The following CEP152 variants were observed in gnomAD, a reference collection of about 807,000 sequenced individuals.
The protein encoded by CEP152 is centrosomal protein of 152 kDa.
CEP152 carries 132 observed loss-of-function variants against 188.9 expected under a neutral mutation model. That is an observed-to-expected ratio of 0.70 (90% confidence interval 0.61 to 0.81). CEP152 has a LOEUF of 0.81. Among genes scored for constraint, CEP152 ranks in the 30% least tolerant of loss-of-function variants. The pLI, the probability that CEP152 is intolerant of heterozygous loss-of-function variation, is 0.00. For missense variants in CEP152, 1,914 were observed against 1,969.8 expected (o/e 0.97, Z 0.54); for synonymous variants, 649 against 666.6 (o/e 0.97, Z 0.41).
At chr15:48,773,925 A>G (rs1165441853) in intron 12 of CEP152, among the ~76,000 whole-genome samples, 1 of 152,228 alleles carries the variant, frequency 6.6e-6, no homozygotes, top group Admixed American at 6.5e-5. Flanking sequence ...GGAAAAAAAT[A>G]TGAACCATAC....
At chr15:48,758,958 A>G (rs760638864) in intron 19 of CEP152, among the ~76,000 whole-genome samples, 9 of 152,140 alleles carry the variant, frequency 5.9e-5, no homozygotes, top group East Asian at 1.9e-4. Flanking sequence ...TATTTTCTAC[A>G]TTGTACTCAA....
Position 48,739,288 on chromosome 15 carries a change from G to A in CEP152, c.4094C>T (p.Ala1365Val), listed in dbSNP as rs377733540. ...SKSQSKTTQS[A>V]LPLTSEMLIA... ...CAGCATCTCTGAAGTTAGGGGCAGTGCTATTATGTGCAAGGAAACACGAAA... is the reference window on the plus strand; with the variant it reads ...CAGCATCTCTGAAGTTAGGGGCAGTACTATTATGTGCAAGGAAACACGAAA... The change falls in exon 27 of 27, where the codon GCA (alanine) becomes GTA (valine). Residue 1365 changes from alanine (A) to valine (V), a missense_variant and splice_region_variant. Coordinates refer to ENST00000380950, the MANE Select transcript of CEP152 (RefSeq NM_001194998.2). 43 of 1,609,592 alleles carry A rather than the reference G, an allele frequency of 2.7e-5. No homozygotes were observed. The highest frequency in any genetic ancestry group is 3.1e-5 in the Non-Finnish European group (36 of 1,179,010).
chr15:48,808,193 C>CAAA (rs1898110895), intron 1 of CEP152, among the ~76,000 whole-genome samples: 1 of 151,150 alleles, frequency 6.6e-6, no homozygotes, highest in African/African-American at 2.4e-5. Context: ...ACTTATTAAT[C>CAAA]ACCACTCATT....
At chr15:48,789,389 A>C in intron 8 of CEP152, 1 of 263,840 alleles carries the variant, frequency 3.8e-6, no homozygotes, top group Non-Finnish European at 7.4e-6. Context: ...AAAAATGACA[A>C]CTGTTCCTTG....
intron 20 of CEP152, among the ~76,000 whole-genome samples, chr15:48,753,581 T>A (rs1894045713): frequency 6.6e-6 from 1 of 152,108 alleles, no homozygotes; most frequent in African/African-American, 2.4e-5. Context: ...GGGTTTGAGG[T>A]CAAAAGGAGT....
At chr15:48,759,317 G>C (rs964074698) in intron 19 of CEP152, among the ~76,000 whole-genome samples, 11 of 152,000 alleles carry the variant, frequency 7.2e-5, no homozygotes, top group African/African-American at 2.4e-5. Flanking sequence ...AGAATTTATT[G>C]TGATACACGT....
Position 48,729,897 on chromosome 15 carries a change from A to T in CEP152, c.142+11734T>A, listed in dbSNP as rs904733037. ...AAAAGTTGGGGAAAATAAAGAAAAAATTAATAAATACACAGAAAAGAGATT... is the reference window on the plus strand; with the variant it reads ...AAAAGTTGGGGAAAATAAAGAAAAATTTAATAAATACACAGAAAAGAGATT... On this transcript the variant is annotated intron_variant and NMD_transcript_variant, in intron 2 of 3. Coordinates refer to the CEP152 transcript ENST00000561245. 3.3e-5 allele frequency: 5 copies of T among 152,224 alleles called. No individual in the cohort carries two copies. The East Asian group carries it at 9.6e-4, about 29-fold the overall frequency. The allele number at this position is 152,224 out of a possible 1,614,324, so 9.4% of individuals were successfully genotyped here.
chr15:48,752,412 G>C lies in CEP152; in HGVS notation c.3403C>G (p.Pro1135Ala). 1 of 1,613,854 alleles carries C rather than the reference G, an allele frequency of 6.2e-7. No individual in the cohort carries two copies. The highest frequency in any genetic ancestry group is 8.5e-7 in the Non-Finnish European group (1 of 1,180,008). The change falls in exon 21 of 27, where the codon CCT becomes GCT. Residue 1135 changes from proline (P) to alanine (A), a missense_variant. Transcript: ENST00000380950. Reference sequence around the variant, plus strand: ...GCATGGTGTCCAGCAGCAGGTCCAGGGTCTCCTTGGCCAGTGCCCTGGCTG... The same window carrying C: ...GCATGGTGTCCAGCAGCAGGTCCAGCGTCTCCTTGGCCAGTGCCCTGGCTG... ...SASQGTGQGD[P>A]GPAAGHHAQP... is the part of the protein sequence containing the mutation.
At chr15:48,733,729 T>C (rs1892501865), downstream of CEP152, among the ~76,000 whole-genome samples, 1 of 152,002 alleles carries the variant, frequency 6.6e-6, no homozygotes, top group Admixed American at 6.5e-5. Flanking sequence ...GCTCAGACTG[T>C]TGAAAGCCAA....
chr15:48,754,555 A>T (rs1894118666), intron 20 of CEP152, among the ~76,000 whole-genome samples: 1 of 152,144 alleles, frequency 6.6e-6, no homozygotes, highest in Non-Finnish European at 1.5e-5. Context: ...GTGAAGCAGT[A>T]TTCATGGGAA....
chr15:48,741,693 T>C lies in CEP152; in HGVS notation c.4001A>G (p.Lys1334Arg), dbSNP rs761014803. 9.9e-6 allele frequency: 16 copies of C among 1,613,992 alleles called. No homozygotes were observed. The highest frequency in any genetic ancestry group is 1.6e-4 in the Middle Eastern group (1 of 6,082). ...AAGTTTGCTAGCAGCATTCATAATC[T>C]TTTTCTCAGCCCTGTGGGGAATTCC... ...QDDGKEGAEK[K>R]IMNAASKLAT... The change falls in exon 26 of 27, where the codon AAG becomes AGG. Residue 1334 changes from lysine (K) to arginine (R), a missense_variant. Coordinates refer to ENST00000380950, the MANE Select transcript of CEP152 (RefSeq NM_001194998.2).
At position 48,766,734 on chromosome 15, in the gene CEP152, G is replaced by C. The variant is rs78844835; in HGVS notation, c.2280+326C>G. The stretch of plus-strand genomic sequence containing the variant: ...AGGACTACATAGGGTTTCCTGAACA[G>C]TCAACACCGAAAATGAGGATCTGTG... On this transcript the variant is annotated intron_variant, in intron 17 of 26. Coordinates refer to ENST00000380950, the MANE Select transcript of CEP152 (RefSeq NM_001194998.2). Among the ~76,000 whole-genome samples, 8 of 151,204 alleles carry C rather than the reference G, an allele frequency of 5.3e-5. No homozygotes were observed. The East Asian group carries it at 1.6e-3, about 29-fold the overall frequency.
chr15:48,771,333 A>G (rs574139193), intron 13 of CEP152, among the ~76,000 whole-genome samples: 76 of 152,342 alleles, frequency 5.0e-4, no homozygotes, highest in South Asian at 2.5e-3. Flanking sequence ...GGTGGATTTC[A>G]ATGACTGACA....
chr15:48,770,489 CA>C (rs142664836), intron 13 of CEP152, among the ~76,000 whole-genome samples: 5,686 of 152,232 alleles, frequency 0.037, 362 homozygotes, highest in East Asian at 0.16. Context: ...ATCTGTATAG[CA>C]AATGCCATTA....
At chr15:48,808,178 CCTTAA>C (rs1259745415) in intron 1 of CEP152, among the ~76,000 whole-genome samples, 3 of 150,998 alleles carry the variant, frequency 2.0e-5, no homozygotes, top group South Asian at 2.1e-4. Context: ...AAAGCTAATA[CCTTAA>C]CTTATTAATC....
At position 48,738,290 on chromosome 15, in the gene CEP152, G is replaced by A; in HGVS notation, c.5092C>T (p.Gln1698Ter). 1.2e-6 allele frequency: 2 copies of A among 1,613,858 alleles called. No homozygotes were observed. Among genetic ancestry groups the A allele is most frequent in the Non-Finnish European group, 1.7e-6 (2 of 1,179,862 alleles). ...AATGGGCTATCAAAGCCACTATCTT[G>A]TTGGCTAGATAGCGGAACAATTAAT... ...RKLIVPLSSQ[Q>*]DSGFDSPFVN... The change falls in exon 27 of 27, where the codon CAA becomes TAA. Residue 1698 changes from glutamine to a stop codon, truncating the protein, a stop_gained. Transcript: ENST00000380950. LOFTEE classifies it high-confidence loss of function.
intron 20 of CEP152, among the ~76,000 whole-genome samples, chr15:48,753,580 G>T (rs1452783878): frequency 6.6e-6 from 1 of 152,166 alleles, no homozygotes; most frequent in Non-Finnish European, 1.5e-5. Flanking sequence ...TGGGTTTGAG[G>T]TCAAAAGGAG....
chr15:48,749,259 G>A (rs1893701511), intron 21 of CEP152, among the ~76,000 whole-genome samples: 1 of 151,688 alleles, frequency 6.6e-6, no homozygotes, highest in African/African-American at 2.4e-5. Flanking sequence ...TGAGAGGAAA[G>A]GATTCTTGAT....
In CEP152 at chr15:48,738,746, T is replaced by C; in HGVS notation, c.4636A>G (p.Asn1546Asp). ...CCTTGACTTTTCTCAGATGCAGCAT[T>C]TTCACTTTCCATTAGTGGATTGCAT... is the stretch of plus-strand genomic sequence containing the variant. ...YKCNPLMESE[N>D]AASEKSQGLD... The change falls in exon 27 of 27, where the codon AAT becomes GAT. Residue 1546 changes from asparagine (N) to aspartate (D), a missense_variant. Physicochemically the swap from Asn to Asp is conservative, Grantham distance 23. Coordinates refer to ENST00000380950, the MANE Select transcript of CEP152 (RefSeq NM_001194998.2). 6.2e-7 allele frequency: 1 copy of C among 1,614,168 alleles called. No individual in the cohort carries two copies. The highest frequency in any genetic ancestry group is 8.5e-7 in the Non-Finnish European group (1 of 1,180,006).
Sources: allele counts gnomAD v4.1 joint callset (sites outside exome capture counted in the v4.1 genomes callset), GRCh38; gene constraint gnomAD v4.1.1; transcripts MANE v1.5; gene names NCBI Gene and HGNC (gene_info 2026-07-23, HGNC 2026-07-21).